The following DNAJC6 variants were observed in gnomAD, a reference collection of about 807,000 sequenced individuals.
DNAJC6 encodes the protein auxilin.
DNAJC6 carries 34 observed loss-of-function variants against 110.0 expected under a neutral mutation model. The observed-to-expected ratio is 0.31, with a 90% CI of 0.24 to 0.41. The LOEUF is 0.41. Among genes scored for constraint, DNAJC6 ranks in the 10% least tolerant of loss-of-function variants. The pLI is 1.00. For synonymous variants in DNAJC6, 406 were observed against 437.2 expected (o/e 0.93, Z 0.89); for missense variants, 1,031 against 1,207.8 (o/e 0.85, Z 2.17).
chr1:65,341,743 A>G (rs1297898667), intron 1 of DNAJC6, among the ~76,000 whole-genome samples: 1 of 149,198 alleles, frequency 6.7e-6, no homozygotes, highest in African/African-American at 2.4e-5. Flanking sequence ...GCTTTTGAAC[A>G]TGAGAGTCAA....
chr1:65,274,043 C>T (rs1653588019), intron 1 of DNAJC6, among the ~76,000 whole-genome samples: 1 of 151,968 alleles, frequency 6.6e-6, no homozygotes, highest in Non-Finnish European at 1.5e-5. Flanking sequence ...CTGTTGGTTC[C>T]CAAGAGAGGG....
intron 1 of DNAJC6, among the ~76,000 whole-genome samples, chr1:65,301,869 T>C (rs1437289404): frequency 1.3e-5 from 2 of 151,798 alleles, no homozygotes; most frequent in Non-Finnish European, 2.9e-5. Context: ...GTGCAGCATT[T>C]CTTCCCCCAG....
At chr1:65,365,122 C>T (rs1401449456) in intron 2 of DNAJC6, among the ~76,000 whole-genome samples, 1 of 152,022 alleles carries the variant, frequency 6.6e-6, no homozygotes, top group Non-Finnish European at 1.5e-5. Context: ...TTTTTATACC[C>T]TGACAGGATT....
rs141130445 is a variant in DNAJC6, at chr1:65,331,664, C to G, written c.193+21726C>G. Among the ~76,000 whole-genome samples, 12 of 152,254 alleles carry G rather than the reference C, an allele frequency of 7.9e-5. No homozygotes were observed. In the East Asian group the frequency reaches 1.5e-3, roughly 20 times the overall value. On this transcript the variant is annotated intron_variant, in intron 1 of 18. Transcript: ENST00000371069. ...TGTTCCTCATAATAACCAGACATTT[C>G]TAATTATAACTTGAGCAGCAAATGT... is the stretch of plus-strand genomic sequence containing the variant.
chr1:65,381,080 A>AAG (rs1557552208), intron 5 of DNAJC6, among the ~76,000 whole-genome samples: 2 of 150,898 alleles, frequency 1.3e-5, no homozygotes, highest in Non-Finnish European at 2.9e-5. Flanking sequence ...CACCACACCC[A>AAG]GATAATTTTT....
At chr1:65,327,382 A>G (rs776448666) in intron 1 of DNAJC6, among the ~76,000 whole-genome samples, 1 of 152,216 alleles carries the variant, frequency 6.6e-6, no homozygotes, top group Non-Finnish European at 1.5e-5. Context: ...AATATGAACC[A>G]TATCTATCAT....
At chr1:65,384,919 A>C (rs1645856616) in intron 6 of DNAJC6, among the ~76,000 whole-genome samples, 2 of 152,228 alleles carry the variant, frequency 1.3e-5, no homozygotes, top group African/African-American at 4.8e-5. Context: ...ACTTTAAAGA[A>C]TACTTATATC....
chr1:65,388,426 G>T lies in DNAJC6; in HGVS notation c.1193+11G>T. The T allele has an allele frequency of 1.9e-6, 3 of 1,612,676 alleles. No individual in the cohort carries two copies. The highest frequency in any genetic ancestry group is 1.1e-5 in the South Asian group (1 of 91,040). ...TTTAAAGTTCACCAAGTAAGTACTG[G>T]TTGGGCCAAAAGTCTATTTGAATCA... On this transcript the variant is annotated intron_variant, in intron 9 of 18. Transcript: ENST00000371069.
At chr1:65,286,449 G>T (rs1350538664) in intron 1 of DNAJC6, among the ~76,000 whole-genome samples, 2 of 152,142 alleles carry the variant, frequency 1.3e-5, no homozygotes, top group East Asian at 3.9e-4. Context: ...GTCTCACTTT[G>T]TTGCCCAGGT....
chr1:65,337,911 A>C (rs1187415527), intron 1 of DNAJC6, among the ~76,000 whole-genome samples: 1 of 152,222 alleles, frequency 6.6e-6, no homozygotes, highest in Non-Finnish European at 1.5e-5. Context: ...ATCTTTGGTC[A>C]TGGGAGCCTC....
At chr1:65,266,960 G>C (rs531140994) in intron 1 of DNAJC6, among the ~76,000 whole-genome samples, 1 of 150,966 alleles carries the variant, frequency 6.6e-6, no homozygotes, top group Admixed American at 6.6e-5. Flanking sequence ...GCAATGGTGC[G>C]ATCTCGGCCC....
chr1:65,269,158 A>G (rs867694222), intron 1 of DNAJC6, among the ~76,000 whole-genome samples: 1 of 152,150 alleles, frequency 6.6e-6, no homozygotes, highest in African/African-American at 2.4e-5. Context: ...ACTTGAGGTC[A>G]GGAATTCAAG....
intron 1 of DNAJC6, among the ~76,000 whole-genome samples, chr1:65,313,668 AT>A (rs758435994): frequency 2.2e-4 from 34 of 152,240 alleles, no homozygotes; most frequent in African/African-American, 7.7e-4. Flanking sequence ...ATCTACTTTG[AT>A]TTCCCCCCTG....
chr1:65,364,541 T>C (rs1645626792), intron 1 of DNAJC6, 94 bp from the exon 2 acceptor site: 2 of 1,347,836 alleles, frequency 1.5e-6, no homozygotes, highest in Admixed American at 2.5e-5. Context: ...TTAAAGACAG[T>C]CTGTGTATGT....
intron 1 of DNAJC6, among the ~76,000 whole-genome samples, chr1:65,300,906 C>T (rs1644972817): frequency 6.6e-6 from 1 of 152,086 alleles, no homozygotes; most frequent in South Asian, 2.1e-4. Context: ...CCTCTATGGC[C>T]CAGCACCCTG....
intron 1 of DNAJC6, among the ~76,000 whole-genome samples, chr1:65,314,127 T>A (rs1259579913): frequency 1.3e-5 from 2 of 151,892 alleles, no homozygotes; most frequent in Admixed American, 1.3e-4. Context: ...CTCTTTTGAT[T>A]CTCACTTTTT....
At chr1:65,377,299 T>C (rs1411259705) in intron 4 of DNAJC6, among the ~76,000 whole-genome samples, 2 of 152,248 alleles carry the variant, frequency 1.3e-5, no homozygotes. Context: ...GTACATTTTA[T>C]GATTCCTCTG....
At chr1:65,410,115 A>G (rs1003763929) in intron 17 of DNAJC6, among the ~76,000 whole-genome samples, 2 of 152,198 alleles carry the variant, frequency 1.3e-5, no homozygotes, top group Non-Finnish European at 2.9e-5. Flanking sequence ...CCTATGTGAC[A>G]AAATACTAAA....
intron 1 of DNAJC6, among the ~76,000 whole-genome samples, chr1:65,286,198 A>C (rs1393415517): frequency 1.3e-5 from 2 of 152,162 alleles, no homozygotes; most frequent in Non-Finnish European, 2.9e-5. Flanking sequence ...AGGGTTCAGC[A>C]TTAGCCATTT....
Sources: gnomAD v4.1 joint callset for allele counts (sites outside exome capture counted in the v4.1 genomes callset) on GRCh38, gnomAD v4.1.1 for gene constraint, MANE v1.5 for transcripts, NCBI Gene and HGNC (gene_info 2026-07-23, HGNC 2026-07-21) for gene names.